CFAP61: variants seen among roughly 807,000 people sequenced by gnomAD.
CFAP61 encodes cilia- and flagella-associated protein 61.
Under a neutral mutation model 135.6 loss-of-function variants are expected in CFAP61, and 107 were observed. That is an observed-to-expected ratio of 0.79 (90% CI 0.67 to 0.93). CFAP61 has a LOEUF of 0.93. Ranked by LOEUF, CFAP61 falls within the 40% of genes least tolerant of loss-of-function variation. The probability of loss-of-function intolerance (pLI) is 0.00; values close to 1 mark genes in which losing one functional copy is unlikely to be tolerated. For synonymous variants in CFAP61, 575 were observed against 578.5 expected (o/e 0.99, Z 0.09); for missense variants, 1,507 against 1,556.2 (o/e 0.97, Z 0.53).
intron 6 of CFAP61, among the ~76,000 whole-genome samples, chr20:20,089,010 A>G (rs927332193): frequency 6.6e-6 from 1 of 152,158 alleles, no homozygotes; most frequent in Non-Finnish European, 1.5e-5. Context: ...TGGCAGGATC[A>G]GGGGATTCGT....
intron 21 of CFAP61, among the ~76,000 whole-genome samples, chr20:20,274,044 C>T (rs562182486): frequency 5.9e-5 from 9 of 152,064 alleles, no homozygotes; most frequent in African/African-American, 1.4e-4. Context: ...GGAGGGGGCC[C>T]CAAAATATAA....
Position 20,153,511 on chromosome 20 carries a change from C to T in CFAP61, c.952-5859C>T, listed in dbSNP as rs907467412. On this transcript the variant is annotated intron_variant, in intron 9 of 26. Transcript: ENST00000245957. Reference sequence around the variant, plus strand: ...AAAGAAGAGAGAAGATCCAAATAGCCTCAATTAGAAATGAAATTTCTAATT... The same window carrying T: ...AAAGAAGAGAGAAGATCCAAATAGCTTCAATTAGAAATGAAATTTCTAATT... Among the ~76,000 whole-genome samples, 24 of 152,084 alleles carry T rather than the reference C, an allele frequency of 1.6e-4. No homozygotes were observed. In the East Asian group the frequency reaches 4.6e-3, roughly 29 times the overall value.
intron 21 of CFAP61, among the ~76,000 whole-genome samples, chr20:20,271,936 T>C (rs899109333): frequency 1.3e-5 from 2 of 152,162 alleles, no homozygotes; most frequent in African/African-American, 4.8e-5. Context: ...GTTTTTCCAC[T>C]CTACTTCTTT....
At chr20:20,348,199 G>A (rs1477039619) in intron 26 of CFAP61, among the ~76,000 whole-genome samples, 1 of 152,160 alleles carries the variant, frequency 6.6e-6, no homozygotes, top group Non-Finnish European at 1.5e-5. Context: ...GCTAGACAAA[G>A]ACACTGCAAG....
chr20:20,148,655 G>T (rs1475454168), intron 9 of CFAP61, among the ~76,000 whole-genome samples: 1 of 152,108 alleles, frequency 6.6e-6, no homozygotes, highest in African/African-American at 2.4e-5. Context: ...TACTGAATTT[G>T]CTTATCAGAT....
chr20:20,316,882 AAAAAAACC>A lies in CFAP61; in HGVS notation c.3422+18499_3422+18506del, dbSNP rs1260539134. On this transcript the variant is annotated intron_variant, in intron 25 of 26. Coordinates refer to ENST00000245957, the MANE Select transcript of CFAP61 (RefSeq NM_015585.4). ...GGATGACAGAGTGAGACTCTGTCTG[AAAAAAACC>A]AAGGCAGACAGAGTCTCACTCTGTC... The A allele has an allele frequency of 1.6e-4, 20 of 125,994 alleles. No individual in the cohort carries two copies. The East Asian group carries it at 5.5e-3, about 34-fold the overall frequency. 7.8% of individuals were successfully genotyped at this position (125,994 alleles called of 1,614,324 possible).
intron 17 of CFAP61, chr20:20,200,663 A>G (rs2056568771): frequency 1.0e-6 from 1 of 984,680 alleles, no homozygotes; most frequent in Non-Finnish European, 1.2e-6. Context: ...TCAGTGGGCT[A>G]ACATTTGTCC....
intron 19 of CFAP61, among the ~76,000 whole-genome samples, chr20:20,249,743 C>A (rs1393235318): frequency 6.6e-6 from 1 of 152,188 alleles, no homozygotes; most frequent in Non-Finnish European, 1.5e-5. Context: ...TTAAAAATAT[C>A]ATTGTCTTTG....
chr20:20,266,557 T>A (rs1231471011), intron 21 of CFAP61, among the ~76,000 whole-genome samples: 1 of 152,238 alleles, frequency 6.6e-6, no homozygotes, highest in Non-Finnish European at 1.5e-5. Context: ...TTATCAAAAC[T>A]TTTTGCATTC....
chr20:20,121,375 C>T (rs1469044725), intron 8 of CFAP61, among the ~76,000 whole-genome samples: 2 of 152,020 alleles, frequency 1.3e-5, no homozygotes, highest in Non-Finnish European at 2.9e-5. Context: ...TCCCAAAGTG[C>T]TGGGATTATA....
At chr20:20,122,521 T>C (rs2146698320) in intron 8 of CFAP61, among the ~76,000 whole-genome samples, 1 of 152,378 alleles carries the variant, frequency 6.6e-6, no homozygotes, top group East Asian at 1.9e-4. Flanking sequence ...ACATATGATA[T>C]CTGGTTTCCA....
At position 20,056,488 on chromosome 20, in the gene CFAP61, A is replaced by G. The variant is rs200247734; in HGVS notation, c.-36-130A>G. ...TGGTTTGCAGTGACAGTTGTCACAGACTACACCCAGGGGAAAACGTGTCAC... is the reference window on the plus strand; with the variant it reads ...TGGTTTGCAGTGACAGTTGTCACAGGCTACACCCAGGGGAAAACGTGTCAC... On this transcript the variant is annotated intron_variant, in intron 1 of 26. Transcript: ENST00000245957. The G allele has an allele frequency of 3.8e-5, 25 of 656,024 alleles. No homozygotes were observed. In the East Asian group the frequency reaches 6.8e-4, roughly 18 times the overall value. The allele number at this position is 656,024 out of a possible 1,614,324, so 40.6% of individuals were successfully genotyped here.
chr20:20,059,097 G>A (rs2044591913), intron 2 of CFAP61, among the ~76,000 whole-genome samples: 1 of 152,030 alleles, frequency 6.6e-6, no homozygotes, highest in South Asian at 2.1e-4. Flanking sequence ...TTGGGAGGCC[G>A]AGGCAGGAGG....
intron 17 of CFAP61, among the ~76,000 whole-genome samples, chr20:20,219,134 T>C (rs1317285307): frequency 2.0e-5 from 3 of 152,220 alleles, no homozygotes; most frequent in African/African-American, 7.2e-5. Flanking sequence ...CACTACTTGT[T>C]CATTGTTCCT....
chr20:20,105,152 A>G (rs1045528124), intron 8 of CFAP61, among the ~76,000 whole-genome samples: 2 of 152,022 alleles, frequency 1.3e-5, no homozygotes, highest in African/African-American at 4.8e-5. Flanking sequence ...TCATAAGCCC[A>G]TGTTCTTCCC....
intron 15 of CFAP61, among the ~76,000 whole-genome samples, chr20:20,192,882 ATCTT>A (rs1475181575): frequency 2.6e-5 from 4 of 152,132 alleles, no homozygotes; most frequent in Non-Finnish European, 5.9e-5. Context: ...TTTATGAAAT[ATCTT>A]TGAGCTTGGA....
chr20:20,307,427 G>T (rs1006700711), intron 25 of CFAP61, among the ~76,000 whole-genome samples: 1 of 152,176 alleles, frequency 6.6e-6, no homozygotes, highest in African/African-American at 2.4e-5. Flanking sequence ...TTAAAAGTAT[G>T]TAAAGTACTA....
At chr20:20,177,396 C>A (rs2054710632) in intron 13 of CFAP61, among the ~76,000 whole-genome samples, 1 of 151,994 alleles carries the variant, frequency 6.6e-6, no homozygotes, top group Non-Finnish European at 1.5e-5. Context: ...ATAGGCAGGG[C>A]TTTAGGGTTT....
chr20:20,109,757 G>C (rs1037324092), intron 8 of CFAP61, among the ~76,000 whole-genome samples: 1 of 152,048 alleles, frequency 6.6e-6, no homozygotes, highest in Non-Finnish European at 1.5e-5. Flanking sequence ...TTCCTGTTTG[G>C]TCTTTTCAAA....
Sources: gnomAD v4.1 joint callset for allele counts (sites outside exome capture counted in the v4.1 genomes callset) on GRCh38, gnomAD v4.1.1 for gene constraint, MANE v1.5 for transcripts, NCBI Gene and HGNC (gene_info 2026-07-23, HGNC 2026-07-21) for gene names.